Variants in FGF2 observed in about 807,000 individuals in gnomAD.
FGF2 encodes fibroblast growth factor 2, also known as basic fibroblast growth factor bFGF.
In FGF2, 13 loss-of-function variants were observed where a neutral mutation model predicts 15.9. The ratio of observed to expected loss-of-function variants is 0.82; its 90% confidence interval spans 0.53 to 1.30. The LOEUF is 1.30. FGF2 is among the 50% of genes most tolerant of loss of function. FGF2 has a pLI of 0.00. For missense variants in FGF2, 163 were observed against 196.9 expected (o/e 0.83, Z 1.03); for synonymous variants, 90 against 78.4 (o/e 1.15, Z -0.78).
rs1386556735 is a variant in FGF2 at position 122,897,575 on chromosome 4, T to TA, written c.*5181dup. The TA allele has an allele frequency of 7.8e-7, 1 of 1,284,354 alleles. No individual in the cohort carries two copies. The highest frequency in any genetic ancestry group is 1.5e-5 in the African/African-American group (1 of 68,354). The allele number at this position is 1,284,354 out of a possible 1,614,324, so 79.6% of individuals were successfully genotyped here. A position where few individuals can be genotyped will look rare whatever the true frequency, so the allele number is the denominator to read the frequency against. ...CTATAAAGCAAGAAAGTAAACACAT[T>TA]AATTTCCTCAACATTTTTAAGCCAA... On this transcript the variant is annotated 3_prime_UTR_variant, in exon 3 of 3. Coordinates refer to ENST00000644866, the MANE Select transcript of FGF2 (RefSeq NM_001361665.2).
intron 1 of FGF2, among the ~76,000 whole-genome samples, chr4:122,853,139 A>T (rs1489506195): frequency 1.3e-5 from 2 of 152,062 alleles, no homozygotes; most frequent in African/African-American, 4.8e-5. Flanking sequence ...CTCTACCAAA[A>T]ATACAAAAAT....
intron 2 of FGF2, 50 bp downstream of exon 2, chr4:122,876,474 T>G: frequency 1.0e-5 from 11 of 1,070,410 alleles, no homozygotes; most frequent in Non-Finnish European, 1.5e-5. Flanking sequence ...TTTATTGCTG[T>G]TAATTTACCA....
At chr4:122,829,250 T>C (rs981774615) in intron 1 of FGF2, among the ~76,000 whole-genome samples, 2 of 152,220 alleles carry the variant, frequency 1.3e-5, no homozygotes, top group African/African-American at 4.8e-5. Context: ...TAATCTTACT[T>C]TAACTCTGTG....
At chr4:122,871,404 T>C (rs1369484359) in intron 1 of FGF2, among the ~76,000 whole-genome samples, 2 of 152,144 alleles carry the variant, frequency 1.3e-5, no homozygotes, top group Non-Finnish European at 2.9e-5. Context: ...GATCTAATAC[T>C]GACAGTGGGG....
At chr4:122,833,010 C>T (rs1156899418) in intron 1 of FGF2, among the ~76,000 whole-genome samples, 2 of 152,182 alleles carry the variant, frequency 1.3e-5, no homozygotes, top group Non-Finnish European at 2.9e-5. Flanking sequence ...TAAACACCTT[C>T]AGAATATTTT....
At chr4:122,867,381 A>C (rs988776967) in intron 1 of FGF2, among the ~76,000 whole-genome samples, 1 of 152,244 alleles carries the variant, frequency 6.6e-6, no homozygotes, top group Non-Finnish European at 1.5e-5. Context: ...GATATTACTT[A>C]GTATTATGGT....
At chr4:122,866,293 A>G (rs993066742) in intron 1 of FGF2, among the ~76,000 whole-genome samples, 20 of 151,836 alleles carry the variant, frequency 1.3e-4, no homozygotes, top group African/African-American at 4.6e-4. Flanking sequence ...GCGTGAACCC[A>G]GGAGGCGGAG....
At chr4:122,835,287 C>T (rs1251965536) in intron 1 of FGF2, among the ~76,000 whole-genome samples, 2 of 152,130 alleles carry the variant, frequency 1.3e-5, no homozygotes, top group Admixed American at 6.5e-5. Context: ...AAGAACTCCT[C>T]AGGCGGTTAT....
At chr4:122,878,067 C>T (rs981606117) in intron 2 of FGF2, among the ~76,000 whole-genome samples, 1 of 152,096 alleles carries the variant, frequency 6.6e-6, no homozygotes, top group Non-Finnish European at 1.5e-5. Flanking sequence ...AGGCATTGAG[C>T]TTATAAAATT....
intron 1 of FGF2, among the ~76,000 whole-genome samples, chr4:122,834,857 T>A (rs1291766305): frequency 6.6e-6 from 1 of 152,226 alleles, no homozygotes; most frequent in Non-Finnish European, 1.5e-5. Flanking sequence ...TGAGTTGTGC[T>A]AAGGTGTAGA....
intron 1 of FGF2, among the ~76,000 whole-genome samples, chr4:122,860,263 T>G (rs17473335): frequency 0.11 from 16,610 of 152,094 alleles, 1,452 homozygotes; most frequent in African/African-American, 0.24. Context: ...TAGGTGTAAA[T>G]AAACCGAATT....
At chr4:122,888,673 T>G (rs1224495101) in intron 2 of FGF2, 1 of 152,262 alleles carries the variant, frequency 6.6e-6, no homozygotes, top group Non-Finnish European at 1.5e-5. Flanking sequence ...AGCTGGATGG[T>G]TAACGCCTTC....
At chr4:122,883,977 A>C (rs1172394038) in intron 2 of FGF2, among the ~76,000 whole-genome samples, 1 of 152,190 alleles carries the variant, frequency 6.6e-6, no homozygotes, top group Non-Finnish European at 1.5e-5. Context: ...ATCTATAATA[A>C]AGTAAAGTAG....
intron 1 of FGF2, among the ~76,000 whole-genome samples, chr4:122,836,941 A>G (rs1391433401): frequency 6.6e-6 from 1 of 152,230 alleles, no homozygotes; most frequent in East Asian, 1.9e-4. Flanking sequence ...AGAACTGGTT[A>G]TAGTACTCTA....
chr4:122,827,149 G>T lies in FGF2; in HGVS notation c.-26G>T. 1 of 1,385,804 alleles carries T rather than the reference G, an allele frequency of 7.2e-7. No individual in the cohort carries two copies. The highest frequency in any genetic ancestry group is 9.4e-7 in the Non-Finnish European group (1 of 1,067,166). The allele number at this position is 1,385,804 out of a possible 1,614,324, so 85.8% of individuals were successfully genotyped here. On this transcript the variant is annotated 5_prime_UTR_variant, in exon 1 of 3. Coordinates refer to ENST00000644866, the MANE Select transcript of FGF2 (RefSeq NM_001361665.2). The surrounding 1 kb of genome is among the most constrained non-coding windows in gnomAD (Gnocchi z 4.2). ...CCCCGCGCGGCTCCAGCGGCTCGGG[G>T]ATCCCGGCCGGGCCCCGCAGGGACC...
At chr4:122,832,371 T>A (rs1725782947) in intron 1 of FGF2, among the ~76,000 whole-genome samples, 1 of 152,132 alleles carries the variant, frequency 6.6e-6, no homozygotes, top group Non-Finnish European at 1.5e-5. Flanking sequence ...ATTCTTCTGC[T>A]TCAGCTGTGA....
At chr4:122,886,532 A>G (rs922665607) in intron 2 of FGF2, among the ~76,000 whole-genome samples, 1 of 152,144 alleles carries the variant, frequency 6.6e-6, no homozygotes, top group African/African-American at 2.4e-5. Flanking sequence ...TGCCTGGGAA[A>G]TGTGTTCATT....
At chr4:122,858,687 C>T (rs753786399) in intron 1 of FGF2, among the ~76,000 whole-genome samples, 6 of 152,090 alleles carry the variant, frequency 3.9e-5, no homozygotes, top group Non-Finnish European at 7.4e-5. Flanking sequence ...CGTGAGCCAC[C>T]GTGCCTGGCC....
At chr4:122,863,345 T>C (rs2150777434) in intron 1 of FGF2, among the ~76,000 whole-genome samples, 1 of 152,350 alleles carries the variant, frequency 6.6e-6, no homozygotes, top group Non-Finnish European at 1.5e-5. Flanking sequence ...CCTTCCATCC[T>C]TTTTTCTCCC....
Sources: allele counts gnomAD v4.1 joint callset (sites outside exome capture counted in the v4.1 genomes callset), GRCh38; gene constraint gnomAD v4.1.1; non-coding constraint Gnocchi (gnomAD v3.1); transcripts MANE v1.5; gene names NCBI Gene and HGNC (gene_info 2026-07-23, HGNC 2026-07-21).